EIF4G3: variants seen among roughly 807,000 people sequenced by gnomAD.
The protein encoded by EIF4G3 is eukaryotic translation initiation factor 4 gamma 3.
In EIF4G3, 34 loss-of-function variants were observed where a neutral mutation model predicts 186.4. The observed-to-expected ratio is 0.18, with a 90% CI of 0.14 to 0.24. EIF4G3 has a LOEUF of 0.24. Among genes scored for constraint, EIF4G3 ranks in the 10% least tolerant of loss-of-function variants. The pLI, the probability that EIF4G3 is intolerant of heterozygous loss-of-function variation, is 1.00. For missense variants in EIF4G3, 1,536 were observed against 1,948.5 expected, an observed-to-expected ratio of 0.79 and a Z score of 3.99; for synonymous variants, 673 against 679.5, an observed-to-expected ratio of 0.99 and a Z score of 0.15.
chr1:21,169,418 A>C (rs1007957655), intron 2 of EIF4G3, among the ~76,000 whole-genome samples: 2 of 152,164 alleles, frequency 1.3e-5, no homozygotes, highest in African/African-American at 4.8e-5. Context: ...ACTGCACTCC[A>C]GCCTGGGAAA....
At chr1:20,959,926 GCTGGTGGGAATGTAAAA>G (rs1010090510) in intron 12 of EIF4G3, among the ~76,000 whole-genome samples, 2 of 152,098 alleles carry the variant, frequency 1.3e-5, no homozygotes, top group African/African-American at 2.4e-5. Context: ...CTTATATGCT[GCTGGTGGGAATGTAAAA>G]CTGGTGGGAA....
chr1:21,122,308 C>T (rs1286866230), intron 2 of EIF4G3, among the ~76,000 whole-genome samples: 1 of 124,658 alleles, frequency 8.0e-6, no homozygotes, highest in Non-Finnish European at 1.8e-5. Context: ...CTCCTTTATA[C>T]GAAAAGAATA....
intron 2 of EIF4G3, among the ~76,000 whole-genome samples, chr1:21,141,343 A>G (rs2097333041): frequency 6.6e-6 from 1 of 150,908 alleles, no homozygotes; most frequent in Admixed American, 6.7e-5. Context: ...TGAATTGAAC[A>G]TTACCATTTC....
At chr1:21,084,068 G>A (rs895056982) in intron 3 of EIF4G3, among the ~76,000 whole-genome samples, 1 of 151,982 alleles carries the variant, frequency 6.6e-6, no homozygotes, top group Non-Finnish European at 1.5e-5. Context: ...CCATACAGCA[G>A]CCACAGTGAC....
At chr1:20,913,957 C>T (rs2093577217) in intron 14 of EIF4G3, among the ~76,000 whole-genome samples, 1 of 151,896 alleles carries the variant, frequency 6.6e-6, no homozygotes, top group Admixed American at 6.6e-5. Flanking sequence ...CAGGCGCATG[C>T]CGCCACGCCT....
chr1:21,058,222 AAAC>A (rs2094660778), intron 3 of EIF4G3, among the ~76,000 whole-genome samples: 2 of 152,202 alleles, frequency 1.3e-5, no homozygotes, highest in African/African-American at 4.8e-5. Context: ...GGCCAGATGT[AAAC>A]AACAGAGATT....
chr1:21,080,147 A>C (rs894195821), intron 3 of EIF4G3, among the ~76,000 whole-genome samples: 41 of 149,370 alleles, frequency 2.7e-4, no homozygotes, highest in Non-Finnish European at 5.2e-4. Flanking sequence ...TAAGACTCCA[A>C]CTAAAAAAAA....
Position 20,981,713 on chromosome 1 carries a change from A to G in EIF4G3, c.199-486T>C, listed in dbSNP as rs185260833. 3.5e-5 allele frequency among the ~76,000 whole-genome samples: 5 copies of G among 142,048 alleles called. 2 individuals carry two copies. The highest frequency in any genetic ancestry group is 1.3e-4 in the African/African-American group (5 of 38,220). The allele number at this position is 142,048 out of a possible 152,430, so 93.2% of individuals were successfully genotyped here. ...ATGTATACGCACATACTGTATGTATACATACATGTATACGCACATACTGTA... is the reference window on the plus strand; with the variant it reads ...ATGTATACGCACATACTGTATGTATGCATACATGTATACGCACATACTGTA... On this transcript the variant is annotated intron_variant, in intron 8 of 36. Coordinates refer to ENST00000602326, the MANE Select transcript of EIF4G3 (RefSeq NM_001391906.1).
At chr1:20,879,963 T>C (rs988422410) in intron 19 of EIF4G3, among the ~76,000 whole-genome samples, 6 of 151,652 alleles carry the variant, frequency 4.0e-5, no homozygotes, top group Non-Finnish European at 8.8e-5. Context: ...TATGGTATAA[T>C]ATAAATAATG....
intron 2 of EIF4G3, among the ~76,000 whole-genome samples, chr1:21,095,282 T>C (rs1572467865): frequency 6.6e-6 from 1 of 152,174 alleles, no homozygotes; most frequent in African/African-American, 2.4e-5. Flanking sequence ...ACTATACTAT[T>C]CTTTATCATT....
At chr1:20,975,782 C>T (rs1340718402) in intron 10 of EIF4G3, among the ~76,000 whole-genome samples, 1 of 151,888 alleles carries the variant, frequency 6.6e-6, no homozygotes, top group African/African-American at 2.4e-5. Context: ...GAATGAAGTA[C>T]ATTTGTATAG....
Position 21,176,316 on chromosome 1 carries a change from G to A in EIF4G3, c.-413C>T, listed in dbSNP as rs2098106569. On this transcript the variant is annotated 5_prime_UTR_variant, in exon 2 of 37. Coordinates refer to ENST00000602326, the MANE Select transcript of EIF4G3 (RefSeq NM_001391906.1). ...CGGTACCGCTGCTGCCGCCGCCGCC[G>A]CCGCTCCGGTGCCGGGTCCGGTTCC... 1 of 267,268 alleles carries A rather than the reference G, an allele frequency of 3.7e-6. No individual in the cohort carries two copies. Among genetic ancestry groups the A allele is most frequent in the Non-Finnish European group, 6.8e-6 (1 of 147,648 alleles). The allele number at this position is 267,268 out of a possible 1,614,324, so 16.6% of individuals were successfully genotyped here. A position where few individuals can be genotyped will look rare whatever the true frequency, so the allele number is the denominator to read the frequency against.
At chr1:21,173,449 G>A (rs899266516) in intron 2 of EIF4G3, among the ~76,000 whole-genome samples, 9 of 152,158 alleles carry the variant, frequency 5.9e-5, no homozygotes, top group Non-Finnish European at 1.2e-4. Flanking sequence ...CACTTTGGGA[G>A]GCTGAGGCAG....
chr1:20,839,022 AGAATGGAGTGCAGTG>A (rs1339598513), intron 30 of EIF4G3, among the ~76,000 whole-genome samples: 5 of 152,118 alleles, frequency 3.3e-5, no homozygotes, highest in African/African-American at 1.2e-4. Flanking sequence ...TCTGTCGCCC[AGAATGGAGTGCAGTG>A]GCGCAATTTC....
At chr1:21,132,260 T>C (rs890873458) in intron 2 of EIF4G3, among the ~76,000 whole-genome samples, 4 of 152,120 alleles carry the variant, frequency 2.6e-5, no homozygotes, top group Non-Finnish European at 4.4e-5. Flanking sequence ...AACACCATTC[T>C]AAAAAAATCC....
intron 23 of EIF4G3, among the ~76,000 whole-genome samples, chr1:20,861,720 TC>T (rs766133099): frequency 2.2e-4 from 33 of 152,202 alleles, no homozygotes; most frequent in Non-Finnish European, 3.8e-4. Context: ...ACGCCTGTAA[TC>T]CCAGCACTTT....
chr1:21,176,346 G>A lies in EIF4G3; in HGVS notation c.-443C>T, dbSNP rs2098107046. The A allele has an allele frequency of 7.7e-6, 2 of 259,226 alleles. No homozygotes were observed. The highest frequency in any genetic ancestry group is 8.1e-5 in the East Asian group (1 of 12,416). The allele number at this position is 259,226 out of a possible 1,614,324, so 16.1% of individuals were successfully genotyped here. A position where few individuals can be genotyped will look rare whatever the true frequency, so the allele number is the denominator to read the frequency against. ...TCCGGTGCCGGGTCCGGTTCCTGCTGCAGTCGCTGTGCCTGATTTCAGAGC... is the reference window on the plus strand; with the variant it reads ...TCCGGTGCCGGGTCCGGTTCCTGCTACAGTCGCTGTGCCTGATTTCAGAGC... On this transcript the variant is annotated 5_prime_UTR_variant, in exon 2 of 37. Transcript: ENST00000602326.
intron 4 of EIF4G3, among the ~76,000 whole-genome samples, chr1:21,044,950 C>T (rs1174353132): frequency 6.6e-6 from 1 of 152,064 alleles, no homozygotes; most frequent in African/African-American, 2.4e-5. Context: ...GCCTTGGCAA[C>T]AAAGCAAGTC....
intron 3 of EIF4G3, among the ~76,000 whole-genome samples, chr1:21,079,711 A>C (rs989448510): frequency 6.6e-6 from 1 of 151,718 alleles, no homozygotes; most frequent in Non-Finnish European, 1.5e-5. Context: ...AAACTCATGA[A>C]ATTTTATGGC....
Sources: allele counts gnomAD v4.1 joint callset (sites outside exome capture counted in the v4.1 genomes callset), GRCh38; gene constraint gnomAD v4.1.1; transcripts MANE v1.5; gene names NCBI Gene and HGNC (gene_info 2026-07-23, HGNC 2026-07-21).